Variants in FAM13B observed in about 807,000 individuals in gnomAD.
The protein encoded by FAM13B is family with sequence similarity 13 member B.
Under a neutral mutation model 117.3 loss-of-function variants are expected in FAM13B, and 60 were observed. That is an observed-to-expected ratio of 0.51 (90% CI 0.42 to 0.63). The LOEUF is 0.63. Among genes scored for constraint, FAM13B ranks in the 30% least tolerant of loss-of-function variants. FAM13B has a pLI of 0.00. For synonymous variants in FAM13B, 332 were observed against 356.1 expected (o/e 0.93, Z 0.76); for missense variants, 972 against 1,091.9 (o/e 0.89, Z 1.55).
chr5:137,997,900 G>A (rs1013828657), intron 7 of FAM13B, among the ~76,000 whole-genome samples: 2 of 152,164 alleles, frequency 1.3e-5, no homozygotes, highest in Non-Finnish European at 2.9e-5. Flanking sequence ...TAAATTGGGA[G>A]GCCATCAGGC....
chr5:138,027,066 T>C (rs1788623471), intron 1 of FAM13B, among the ~76,000 whole-genome samples: 1 of 152,036 alleles, frequency 6.6e-6, no homozygotes, highest in Non-Finnish European at 1.5e-5. Context: ...GCCCAGGAGT[T>C]TGAGGCTGTA....
rs1300477040 is a variant in FAM13B at position 137,985,317 on chromosome 5, A to G, written c.1119T>C (p.Thr373=). The change falls in exon 10 of 24, where the codon ACT becomes ACC. Residue 373 remains threonine (T), a synonymous_variant. Coordinates refer to ENST00000689681, the MANE Select transcript of FAM13B (RefSeq NM_001385994.1). The part of the protein sequence containing the change: ...NRDCSKPVAS[T]NLDNEAMQQD... Reference sequence around the variant, plus strand: ...GCTGCATAGCTTCATTGTCTAAATTAGTGCTAGCCACAGGTTTTGAACAGT... The same window carrying G: ...GCTGCATAGCTTCATTGTCTAAATTGGTGCTAGCCACAGGTTTTGAACAGT... 6.2e-7 allele frequency: 1 copy of G among 1,613,816 alleles called. No homozygotes were observed. The highest frequency in any genetic ancestry group is 8.5e-7 in the Non-Finnish European group (1 of 1,179,918).
chr5:138,046,240 A>G (rs1054732169), intron 1 of FAM13B, among the ~76,000 whole-genome samples: 15 of 152,214 alleles, frequency 9.9e-5, no homozygotes, highest in African/African-American at 3.6e-4. Flanking sequence ...AGGCACGTGG[A>G]ACTGTTAAGT....
In FAM13B at chr5:138,032,984, G is replaced by T. The variant is rs1790572108; in HGVS notation, c.-405C>A. 4 of 986,392 alleles carry T rather than the reference G, an allele frequency of 4.1e-6. No individual in the cohort carries two copies. Among genetic ancestry groups the T allele is most frequent in the Non-Finnish European group, 4.8e-6 (4 of 830,716 alleles). The allele number at this position is 986,392 out of a possible 1,614,324, so 61.1% of individuals were successfully genotyped here. ...GACCCCCCGGATACCCCCGGCGGTG[G>T]TGGCGACGCAGACGCGGAACAGGGG... On this transcript the variant is annotated 5_prime_UTR_variant, in exon 1 of 24. Transcript: ENST00000689681.
rs558718694 is a variant in FAM13B, at chr5:138,012,905, C to CA, written c.371-961dup. Among the ~76,000 whole-genome samples the CA allele has an allele frequency of 2.1e-3, 296 of 143,748 alleles. 4 individuals carry two copies. The highest frequency in any genetic ancestry group is 0.011 in the Middle Eastern group (3 of 284). The allele number at this position is 143,748 out of a possible 152,430, so 94.3% of individuals were successfully genotyped here. ...ATAGGACTCCAGTACTATGTTGATTCAAAAAAAAAAAAATTTGGCCTTGTA... is the reference window on the plus strand; with the variant it reads ...ATAGGACTCCAGTACTATGTTGATTCAAAAAAAAAAAAAATTTGGCCTTGTA... On this transcript the variant is annotated intron_variant, in intron 4 of 23. Coordinates refer to ENST00000689681, the MANE Select transcript of FAM13B (RefSeq NM_001385994.1).
chr5:137,990,187 T>C (rs1348441636), intron 7 of FAM13B, among the ~76,000 whole-genome samples: 1 of 152,262 alleles, frequency 6.6e-6, no homozygotes, highest in Non-Finnish European at 1.5e-5. Flanking sequence ...TTTATTTTCC[T>C]TGATAATATT....
upstream of FAM13B, among the ~76,000 whole-genome samples, chr5:138,035,131 G>A (rs1791025733): frequency 6.8e-6 from 1 of 146,952 alleles, no homozygotes; most frequent in Non-Finnish European, 1.5e-5. Context: ...TCCTACCCTA[G>A]TCTCCTGAGT....
intron 6 of FAM13B, among the ~76,000 whole-genome samples, chr5:138,008,393 G>A (rs374864282): frequency 1.7e-4 from 26 of 152,266 alleles, no homozygotes; most frequent in East Asian, 9.7e-4. Context: ...AGAGAGACGC[G>A]ATTGTGACAC....
At chr5:138,025,322 T>TG (rs71583291) in intron 1 of FAM13B, among the ~76,000 whole-genome samples, 15,632 of 137,830 alleles carry the variant, frequency 0.11, 1,680 homozygotes, top group East Asian at 0.33. Flanking sequence ...TATTTTTTTT[T>TG]TTTTTTTTTT....
At chr5:138,038,795 G>A (rs1226209746) in intron 1 of FAM13B, among the ~76,000 whole-genome samples, 1 of 152,316 alleles carries the variant, frequency 6.6e-6, no homozygotes, top group East Asian at 1.9e-4. Flanking sequence ...TAACCTTTGT[G>A]CCATTTATTT....
intron 4 of FAM13B, among the ~76,000 whole-genome samples, chr5:138,013,756 A>C (rs1222306338): frequency 6.6e-6 from 1 of 152,188 alleles, no homozygotes; most frequent in Non-Finnish European, 1.5e-5. Context: ...TAGAAATCAC[A>C]TATCAAAAAT....
chr5:137,944,770 A>C (rs913086768), intron 20 of FAM13B, among the ~76,000 whole-genome samples: 2 of 152,064 alleles, frequency 1.3e-5, no homozygotes, highest in African/African-American at 4.8e-5. Context: ...AAACAAAAAA[A>C]AAAAAAAACA....
intron 3 of FAM13B, 74 bp from the exon 4 acceptor site, chr5:138,018,588 T>G: frequency 1.5e-6 from 2 of 1,344,972 alleles, no homozygotes; most frequent in Non-Finnish European, 2.1e-6. Context: ...ATTCTCCAAT[T>G]AACTTAAAAT....
intron 6 of FAM13B, among the ~76,000 whole-genome samples, chr5:138,008,829 G>A (rs1281817690): frequency 6.6e-6 from 1 of 152,118 alleles, no homozygotes; most frequent in Non-Finnish European, 1.5e-5. Flanking sequence ...TAGTCAGATG[G>A]GTCACTAAAA....
chr5:138,024,530 T>G (rs1247800299), intron 1 of FAM13B, among the ~76,000 whole-genome samples: 1 of 148,360 alleles, frequency 6.7e-6, no homozygotes, highest in African/African-American at 2.5e-5. Context: ...CAATTTGTCA[T>G]GAAAGTCCTA....
Position 138,011,929 on chromosome 5 carries a change from A to C in FAM13B, c.387T>G (p.Asp129Glu). Residue 129 changes from aspartate (D) to glutamate (E), a missense_variant, in exon 5 of 24, where the codon GAT becomes GAG. Transcript: ENST00000689681. Reference protein sequence around the residue: ...MQLSQDYNNEDEFGRKLRFLL... With the variant: ...MQLSQDYNNEEEFGRKLRFLL... The stretch of plus-strand genomic sequence containing the variant: ...GGAACCTCAACTTTCTTCCAAATTC[A>C]TCTTCATTATTATAATCTATAAAAC... 1 of 1,584,416 alleles carries C rather than the reference A, an allele frequency of 6.3e-7. No individual in the cohort carries two copies. Among genetic ancestry groups the C allele is most frequent in the East Asian group, 2.3e-5 (1 of 44,422 alleles).
chr5:137,958,647 G>A (rs1767244694), intron 13 of FAM13B, among the ~76,000 whole-genome samples: 1 of 152,172 alleles, frequency 6.6e-6, no homozygotes, highest in South Asian at 2.1e-4. Flanking sequence ...AGATTCTTGA[G>A]TTATCTCATT....
chr5:137,967,758 T>C (rs185652789), intron 10 of FAM13B, among the ~76,000 whole-genome samples: 12 of 152,018 alleles, frequency 7.9e-5, no homozygotes, highest in Admixed American at 4.6e-4. Context: ...CCAGGTGTGA[T>C]GGCATGCCCC....
intron 10 of FAM13B, 35 bp from the exon 11 acceptor site, chr5:137,962,504 C>G (rs1395409825): frequency 6.4e-7 from 1 of 1,572,030 alleles, no homozygotes; most frequent in Non-Finnish European, 8.7e-7. Flanking sequence ...ATTAATGGAG[C>G]TCCCAATACT....
Sources: gnomAD v4.1 joint callset for allele counts (sites outside exome capture counted in the v4.1 genomes callset) on GRCh38, gnomAD v4.1.1 for gene constraint, MANE v1.5 for transcripts, NCBI Gene and HGNC (gene_info 2026-07-23, HGNC 2026-07-21) for gene names.